The following CACNA1A variants were observed in gnomAD, a reference collection of about 807,000 sequenced individuals.
CACNA1A encodes calcium voltage-gated channel subunit alpha1 A.
Under a neutral mutation model 262.4 loss-of-function variants are expected in CACNA1A, and 57 were observed. The ratio of observed to expected loss-of-function variants is 0.22; its 90% confidence interval spans 0.18 to 0.27. The LOEUF is 0.27. Ranked by LOEUF, CACNA1A falls within the 10% of genes least tolerant of loss-of-function variation. CACNA1A has a pLI of 1.00. For missense variants in CACNA1A, 2,526 were observed against 3,562.8 expected (o/e 0.71, Z 7.41); for synonymous variants, 1,431 against 1,419.3 (o/e 1.01, Z -0.18).
chr19:13,381,822 G>T (rs2059528422), intron 3 of CACNA1A, among the ~76,000 whole-genome samples: 1 of 152,332 alleles, frequency 6.6e-6, no homozygotes, highest in Middle Eastern at 3.4e-3. Flanking sequence ...GCGAGCAAGG[G>T]GGAGGGTGTG....
At chr19:13,280,133 C>T (rs1274606304) in intron 22 of CACNA1A, among the ~76,000 whole-genome samples, 2 of 151,844 alleles carry the variant, frequency 1.3e-5, no homozygotes, top group Non-Finnish European at 2.9e-5. Context: ...CAACCACTTG[C>T]AAATTATATG....
At position 13,209,374 on chromosome 19, in the gene CACNA1A, CGCCGCTGGTGGT is replaced by C. The variant is rs1469809752; in HGVS notation, c.6452_6463del (p.His2151_Arg2154del). 3 of 1,389,252 alleles carry C rather than the reference CGCCGCTGGTGGT, an allele frequency of 2.2e-6. No homozygotes were observed. Among genetic ancestry groups the C allele is most frequent in the African/African-American group, 1.5e-5 (1 of 67,230 alleles). The allele number at this position is 1,389,252 out of a possible 1,614,324, so 86.1% of individuals were successfully genotyped here. ...AGAGGCGCGGTGGCTGCGGTCGCGG[CGCCGCTGGTGGT>C]GCCGCTGGTTCTCCTCGGGCGGGAC... On this transcript the variant is annotated inframe_deletion, in exon 45 of 47. Coordinates refer to ENST00000360228, the MANE Select transcript of CACNA1A (RefSeq NM_001127222.2).
At chr19:13,460,058 C>T (rs768817944) in intron 1 of CACNA1A, among the ~76,000 whole-genome samples, 1 of 152,150 alleles carries the variant, frequency 6.6e-6, no homozygotes, top group African/African-American at 2.4e-5. Flanking sequence ...ATCCCCCCTC[C>T]CTCTGCTCAC....
chr19:13,389,861 G>T (rs1353486020), intron 3 of CACNA1A, among the ~76,000 whole-genome samples: 1 of 151,930 alleles, frequency 6.6e-6, no homozygotes, highest in African/African-American at 2.4e-5. Context: ...CGCCCAGGCC[G>T]GAGTGCAGTG....
rs146744463 is a variant in CACNA1A, at chr19:13,264,328, C to T, written c.3990-1495G>A. ...TGGGTCACCTTCCTTAACATCCCGC[C>T]ATCCATTCCTGGGTGCCATCCCCCC... On this transcript the variant is annotated intron_variant, in intron 24 of 46. Transcript: ENST00000360228. Among the ~76,000 whole-genome samples the T allele has an allele frequency of 7.9e-3, 1,209 of 152,296 alleles. 18 individuals carry two copies. Among genetic ancestry groups the T allele is most frequent in the African/African-American group, 0.027 (1,140 of 41,552 alleles).
At chr19:13,295,690 T>G (rs894563132) in intron 19 of CACNA1A, among the ~76,000 whole-genome samples, 6 of 152,014 alleles carry the variant, frequency 3.9e-5, no homozygotes, top group African/African-American at 1.5e-4. Flanking sequence ...GATCGAGGTC[T>G]CCTTATGTCG....
At position 13,280,711 on chromosome 19, in the gene CACNA1A, C is replaced by T. The variant is rs191030960; in HGVS notation, c.3822+2556G>A. Among the ~76,000 whole-genome samples, 11 of 152,094 alleles carry T rather than the reference C, an allele frequency of 7.2e-5. No individual in the cohort carries two copies. In the East Asian group the frequency reaches 1.6e-3, roughly 22 times the overall value. Reference sequence around the variant, plus strand: ...ATCCCAGCACTTTGGGAGGCCAAGGCGGGCGGATCACTTGAGGTCAGGAGT... The same window carrying T: ...ATCCCAGCACTTTGGGAGGCCAAGGTGGGCGGATCACTTGAGGTCAGGAGT... On this transcript the variant is annotated intron_variant, in intron 22 of 46. Transcript: ENST00000360228.
At chr19:13,419,610 G>A (rs147371285) in intron 3 of CACNA1A, among the ~76,000 whole-genome samples, 18 of 152,262 alleles carry the variant, frequency 1.2e-4, no homozygotes, top group African/African-American at 3.8e-4. Flanking sequence ...CCAGGTGGTC[G>A]AGGCTGCAGT....
chr19:13,259,929 T>C, intron 26 of CACNA1A: 1 of 504,678 alleles, frequency 2.0e-6, no homozygotes, highest in Non-Finnish European at 3.6e-6. Context: ...ACCTTACTCC[T>C]GGTGGGAGAG....
intron 6 of CACNA1A, among the ~76,000 whole-genome samples, chr19:13,357,878 G>C (rs895104062): frequency 6.6e-6 from 1 of 151,962 alleles, no homozygotes; most frequent in African/African-American, 2.4e-5. Flanking sequence ...ATGGTGGTGT[G>C]TGCCTGTGGT....
chr19:13,234,048 T>TCAAAAAA (rs1555737724), intron 34 of CACNA1A, among the ~76,000 whole-genome samples: 1 of 102,354 alleles, frequency 9.8e-6, no homozygotes. Flanking sequence ...AGACTCCATC[T>TCAAAAAA]AAAAAAAAAA....
At chr19:13,466,799 C>T (rs914961401) in intron 1 of CACNA1A, among the ~76,000 whole-genome samples, 3 of 151,834 alleles carry the variant, frequency 2.0e-5, no homozygotes, top group African/African-American at 7.3e-5. Context: ...GATTTTTTTT[C>T]CTCTGAGCCC....
chr19:13,407,788 A>AG (rs2060037964), intron 3 of CACNA1A, among the ~76,000 whole-genome samples: 1 of 152,076 alleles, frequency 6.6e-6, no homozygotes, highest in Admixed American at 6.5e-5. Flanking sequence ...CTCAGGAGTT[A>AG]GAGACCAGCC....
At chr19:13,410,076 T>A (rs1278100401) in intron 3 of CACNA1A, among the ~76,000 whole-genome samples, 2 of 152,150 alleles carry the variant, frequency 1.3e-5, no homozygotes, top group African/African-American at 4.8e-5. Flanking sequence ...GTGTGTGCTG[T>A]CATCTAAAGT....
At chr19:13,403,443 A>C (rs903924701) in intron 3 of CACNA1A, among the ~76,000 whole-genome samples, 2 of 152,202 alleles carry the variant, frequency 1.3e-5, no homozygotes, top group African/African-American at 4.8e-5. Flanking sequence ...ATTTGAACCC[A>C]GACTGTCTGG....
At chr19:13,281,605 CCCT>C (rs1343526825) in intron 22 of CACNA1A, among the ~76,000 whole-genome samples, 1 of 151,986 alleles carries the variant, frequency 6.6e-6, no homozygotes, top group Non-Finnish European at 1.5e-5. Context: ...AGCACCTCCC[CCCT>C]CCTGTCGTGA....
intron 34 of CACNA1A, 122 bp from the exon 35 acceptor site, chr19:13,231,982 G>A (rs1422404161): frequency 2.3e-6 from 2 of 883,598 alleles, no homozygotes; most frequent in African/African-American, 1.7e-5. Flanking sequence ...GCAAGCCCCA[G>A]GTGGACCACC....
chr19:13,340,509 C>T (rs1372599356), intron 6 of CACNA1A, among the ~76,000 whole-genome samples: 1 of 150,858 alleles, frequency 6.6e-6, no homozygotes, highest in Non-Finnish European at 1.5e-5. Flanking sequence ...TCACTGCAAC[C>T]TCTACATCCT....
At chr19:13,486,921 G>A (rs912128734) in intron 1 of CACNA1A, among the ~76,000 whole-genome samples, 6 of 151,144 alleles carry the variant, frequency 4.0e-5, no homozygotes, top group African/African-American at 7.3e-5. Flanking sequence ...CCCTACACAC[G>A]CAGCCTCTCT....
Sources: allele counts gnomAD v4.1 joint callset (sites outside exome capture counted in the v4.1 genomes callset), GRCh38; gene constraint gnomAD v4.1.1; transcripts MANE v1.5; gene names NCBI Gene and HGNC (gene_info 2026-07-23, HGNC 2026-07-21).